Variants in TRHDE observed in about 807,000 individuals in gnomAD.
TRHDE encodes the protein thyrotropin releasing hormone degrading enzyme, also known as thyrotropin-releasing hormone-degrading ectoenzyme.
In TRHDE, 72 loss-of-function variants were observed where a neutral mutation model predicts 125.7. That is an observed-to-expected ratio of 0.57 (90% CI 0.47 to 0.70). TRHDE has a LOEUF of 0.70. Ranked by LOEUF, TRHDE falls within the 30% of genes least tolerant of loss-of-function variation. The pLI is 0.00. For missense variants in TRHDE, 1,110 were observed against 1,327.1 expected (o/e 0.84, Z 2.54); for synonymous variants, 509 against 509.1 (o/e 1.00, Z 0.00).
intron 6 of TRHDE, among the ~76,000 whole-genome samples, chr12:72,516,936 C>A (rs150650543): frequency 6.6e-6 from 1 of 151,804 alleles, no homozygotes; most frequent in Non-Finnish European, 1.5e-5. Context: ...TGTTTATATG[C>A]GGATTACATT....
chr12:72,161,229 T>TA (rs1566256728), intron 2 of TRHDE, among the ~76,000 whole-genome samples: 1 of 152,132 alleles, frequency 6.6e-6, no homozygotes, highest in Admixed American at 6.5e-5. Context: ...GGTCAAGCGA[T>TA]AGAGACGATC....
At chr12:72,616,930 G>A (rs1215522935) in intron 12 of TRHDE, among the ~76,000 whole-genome samples, 1 of 151,948 alleles carries the variant, frequency 6.6e-6, no homozygotes, top group Non-Finnish European at 1.5e-5. Flanking sequence ...CTGAACTACT[G>A]AAATCCATAT....
chr12:72,210,254 T>C (rs1289458939), intron 2 of TRHDE, among the ~76,000 whole-genome samples: 3 of 152,130 alleles, frequency 2.0e-5, no homozygotes, highest in Non-Finnish European at 4.4e-5. Context: ...TGTGTACCTT[T>C]AGCATATGAC....
chr12:72,158,194 AT>A (rs1399791540), intron 2 of TRHDE, among the ~76,000 whole-genome samples: 4 of 152,098 alleles, frequency 2.6e-5, no homozygotes, highest in African/African-American at 9.7e-5. Flanking sequence ...TAGGCAATGA[AT>A]TTTTTTATTT....
intron 2 of TRHDE, among the ~76,000 whole-genome samples, chr12:72,287,188 C>T (rs533721383): frequency 6.6e-6 from 1 of 152,276 alleles, no homozygotes; most frequent in South Asian, 2.1e-4. Flanking sequence ...CCTCCCTCCC[C>T]CATCATCCTT....
chr12:72,367,192 A>G (rs1871373753), intron 2 of TRHDE, among the ~76,000 whole-genome samples: 1 of 152,096 alleles, frequency 6.6e-6, no homozygotes, highest in Non-Finnish European at 1.5e-5. Context: ...TGCCGTAAAA[A>G]CCACAGCACA....
intron 1 of TRHDE, among the ~76,000 whole-genome samples, chr12:72,089,720 C>T (rs1163279202): frequency 6.6e-6 from 1 of 152,206 alleles, no homozygotes; most frequent in Non-Finnish European, 1.5e-5. Context: ...CTTAACTCTG[C>T]TTTACTTTTT....
intron 6 of TRHDE, among the ~76,000 whole-genome samples, chr12:72,531,410 T>C (rs1868549079): frequency 6.6e-6 from 1 of 152,004 alleles, no homozygotes; most frequent in African/African-American, 2.4e-5. Context: ...CTAATAGTAC[T>C]GCAGCTTGTC....
chr12:72,389,178 A>T (rs1402627245), intron 3 of TRHDE, among the ~76,000 whole-genome samples: 1 of 152,134 alleles, frequency 6.6e-6, no homozygotes, highest in Non-Finnish European at 1.5e-5. Context: ...TTGCAGTTTT[A>T]AACAGGTGGG....
intron 2 of TRHDE, among the ~76,000 whole-genome samples, chr12:72,262,036 A>G (rs992087948): frequency 6.6e-6 from 1 of 152,182 alleles, no homozygotes. Flanking sequence ...AACAGACAGG[A>G]GGTGAAGATC....
intron 12 of TRHDE, among the ~76,000 whole-genome samples, chr12:72,595,433 T>C (rs1420447909): frequency 3.9e-5 from 6 of 152,184 alleles, no homozygotes; most frequent in East Asian, 1.9e-4. Flanking sequence ...AATTGTCAAG[T>C]TGTCATTAAA....
At chr12:72,542,388 T>C (rs1469380529) in intron 7 of TRHDE, 32 bp downstream of exon 7, 2 of 1,563,138 alleles carry the variant, frequency 1.3e-6, no homozygotes, top group African/African-American at 2.7e-5. Context: ...TTCTTTTACA[T>C]TTTTCCTTGT....
rs571425717 is a variant in TRHDE, at chr12:72,484,024, C to G, written c.1584+10844C>G. Among the ~76,000 whole-genome samples, 4 of 152,048 alleles carry G rather than the reference C, an allele frequency of 2.6e-5. No homozygotes were observed. In the South Asian group the frequency reaches 8.3e-4, roughly 32 times the overall value. ...TTAATAACTTCTGGGAGTCGATTAG[C>G]TCATCCTTGGAATTATTCCAAACCT... is the stretch of plus-strand genomic sequence containing the variant. On this transcript the variant is annotated intron_variant, in intron 5 of 18. Transcript: ENST00000261180.
intron 12 of TRHDE, among the ~76,000 whole-genome samples, chr12:72,576,698 T>G (rs1313336471): frequency 6.6e-6 from 1 of 152,134 alleles, no homozygotes; most frequent in African/African-American, 2.4e-5. Context: ...TTATTGCTAC[T>G]AAAGAAATAA....
chr12:72,115,997 A>G (rs1426388897), intron 2 of TRHDE, among the ~76,000 whole-genome samples: 2 of 151,674 alleles, frequency 1.3e-5, no homozygotes, highest in Non-Finnish European at 1.5e-5. Context: ...GTCCTAATGC[A>G]CTCCCTCCCT....
At chr12:72,614,314 A>G (rs932689883) in intron 12 of TRHDE, among the ~76,000 whole-genome samples, 9 of 129,532 alleles carry the variant, frequency 6.9e-5, no homozygotes, top group African/African-American at 9.1e-5. Context: ...ATACATATGT[A>G]TATATATATA....
At chr12:72,286,543 T>A (rs1879895159) in intron 1 of TRHDE, 138 bp from the exon 2 acceptor site, 1 of 741,246 alleles carries the variant, frequency 1.3e-6, no homozygotes, top group South Asian at 1.9e-5. Context: ...TTCATGCTAT[T>A]CATGCACTTA....
chr12:72,322,352 G>T (rs1003075951), intron 2 of TRHDE, among the ~76,000 whole-genome samples: 2 of 152,102 alleles, frequency 1.3e-5, no homozygotes, highest in Non-Finnish European at 2.9e-5. Context: ...GCCCCCAAAT[G>T]TAGTGCTTTA....
At chr12:72,313,961 T>G (rs1387605552) in intron 2 of TRHDE, among the ~76,000 whole-genome samples, 3 of 152,166 alleles carry the variant, frequency 2.0e-5, no homozygotes, top group Non-Finnish European at 4.4e-5. Context: ...AGCGTCCGTT[T>G]GCTTTGCATC....
Sources: gnomAD v4.1 joint callset for allele counts (sites outside exome capture counted in the v4.1 genomes callset) on GRCh38, gnomAD v4.1.1 for gene constraint, MANE v1.5 for transcripts, NCBI Gene and HGNC (gene_info 2026-07-23, HGNC 2026-07-21) for gene names.